The following RSF1 variants were observed in gnomAD, a reference collection of about 807,000 sequenced individuals.
RSF1 encodes the protein HBV pX-associated protein 8.
In RSF1, 13 loss-of-function variants were observed where a neutral mutation model predicts 145.2. The observed-to-expected ratio is 0.09, with a 90% CI of 0.06 to 0.14. The LOEUF (loss-of-function observed/expected upper bound fraction) is 0.14. RSF1 is among the 10% of genes least tolerant of loss of function. RSF1 has a pLI of 1.00. For missense variants in RSF1, 1,517 were observed against 1,718.2 expected, an observed-to-expected ratio of 0.88 and a Z score of 2.07; for synonymous variants, 577 against 592.6, an observed-to-expected ratio of 0.97 and a Z score of 0.38.
At chr11:77,671,153 ATATATATATATATATATATATATATT>A (rs1959530523) in intron 15 of RSF1, among the ~76,000 whole-genome samples, 2 of 67,290 alleles carry the variant, frequency 3.0e-5, no homozygotes, top group Non-Finnish European at 4.8e-5. Context: ...ATATATATAT[ATATATATATATATATATATATATATT>A]TATATGTATA....
intron 11 of RSF1, among the ~76,000 whole-genome samples, chr11:77,679,956 T>G (rs536862679): frequency 3.0e-4 from 46 of 152,364 alleles, no homozygotes; most frequent in Admixed American, 2.5e-3. Context: ...CTAGCCTGTG[T>G]GGCTATTTAT....
At chr11:77,699,149 A>G (rs915074198) in intron 6 of RSF1, among the ~76,000 whole-genome samples, 1 of 152,180 alleles carries the variant, frequency 6.6e-6, no homozygotes, top group Non-Finnish European at 1.5e-5. Context: ...CACATTTTAA[A>G]TGCTTTGTAA....
At chr11:77,869,127 T>C in the RSF1 span, 1 of 261,880 alleles carries the variant, frequency 3.8e-6, no homozygotes. Flanking sequence ...AAGGAACAAC[T>C]CCATATTTTC....
intron 1 of RSF1, among the ~76,000 whole-genome samples, chr11:77,776,564 A>G (rs1948344608): frequency 6.6e-6 from 1 of 152,196 alleles, no homozygotes; most frequent in Non-Finnish European, 1.5e-5. Flanking sequence ...AGTTATTTCA[A>G]TAAATTAGAA....
chr11:77,856,677 G>A, the RSF1 span, among the ~76,000 whole-genome samples: 3 of 152,226 alleles, frequency 2.0e-5, no homozygotes, highest in South Asian at 2.1e-4. Flanking sequence ...TACATGGCTG[G>A]AGCAAGAGGA....
chr11:77,720,973 T>C (rs1256387217), intron 5 of RSF1, among the ~76,000 whole-genome samples: 1 of 152,188 alleles, frequency 6.6e-6, no homozygotes, highest in African/African-American at 2.4e-5. Flanking sequence ...CATTTTCCAT[T>C]TTTTTGCCCA....
At chr11:77,847,989 T>TA in the RSF1 span, among the ~76,000 whole-genome samples, 1 of 152,166 alleles carries the variant, frequency 6.6e-6, no homozygotes, top group African/African-American at 2.4e-5. Flanking sequence ...TTCCTCTGCT[T>TA]TATGTTCTTT....
At chr11:77,818,563 G>A (rs1419848439) in intron 1 of RSF1, among the ~76,000 whole-genome samples, 1 of 152,026 alleles carries the variant, frequency 6.6e-6, no homozygotes, top group Non-Finnish European at 1.5e-5. Flanking sequence ...TGTGGATCAC[G>A]AGGTCAGGAG....
rs1178291722 is a variant in RSF1 at position 77,685,233 on chromosome 11, C to T, written c.2901-74G>A. Reference sequence around the variant, plus strand: ...CTGTTATGTAAACATCACGAATACACATAATGTTAAAATTACAATTTCACG... The same window carrying T: ...CTGTTATGTAAACATCACGAATACATATAATGTTAAAATTACAATTTCACG... On this transcript the variant is annotated intron_variant, in intron 9 of 15. Coordinates refer to ENST00000308488, the MANE Select transcript of RSF1 (RefSeq NM_016578.4). The T allele has an allele frequency of 6.2e-5, 49 of 788,808 alleles. 1 individual carries two copies. The highest frequency in any genetic ancestry group is 8.1e-6 in the Non-Finnish European group (4 of 495,318). 48.9% of individuals were successfully genotyped at this position (788,808 alleles called of 1,614,324 possible).
chr11:77,725,846 T>C (rs1351062040), intron 4 of RSF1, 147 bp from the exon 5 acceptor site: 5 of 504,470 alleles, frequency 9.9e-6, no homozygotes, highest in African/African-American at 2.0e-5. Flanking sequence ...TAATTAACCC[T>C]GAATTTTAAA....
intron 4 of RSF1, among the ~76,000 whole-genome samples, chr11:77,733,711 GCCA>G (rs1053845521): frequency 3.9e-5 from 6 of 152,038 alleles, no homozygotes; most frequent in African/African-American, 9.7e-5. Flanking sequence ...ACAGGCAAGT[GCCA>G]CCACACCTTG....
At chr11:77,705,223 G>A (rs554837789) in intron 5 of RSF1, among the ~76,000 whole-genome samples, 1 of 152,266 alleles carries the variant, frequency 6.6e-6, no homozygotes, top group African/African-American at 2.4e-5. Flanking sequence ...TTTTCCCAAA[G>A]TTTGTCAAAA....
intron 2 of RSF1, among the ~76,000 whole-genome samples, chr11:77,761,722 T>C (rs1948173839): frequency 6.6e-6 from 1 of 152,090 alleles, no homozygotes; most frequent in African/African-American, 2.4e-5. Flanking sequence ...AATTTCTTTA[T>C]GACTTGCCAA....
intron 5 of RSF1, among the ~76,000 whole-genome samples, chr11:77,714,703 G>A (rs550375586): frequency 2.0e-5 from 3 of 152,250 alleles, no homozygotes; most frequent in South Asian, 2.1e-4. Flanking sequence ...TTAGCTAAGC[G>A]CAGTGGCGCA....
chr11:77,671,158 T>C (rs1420732041), intron 15 of RSF1, among the ~76,000 whole-genome samples: 1 of 65,574 alleles, frequency 1.5e-5, no homozygotes, highest in Non-Finnish European at 2.5e-5. Flanking sequence ...TATATATATA[T>C]ATATATATAT....
chr11:77,668,908 T>A (rs907265727), intron 15 of RSF1, among the ~76,000 whole-genome samples: 8 of 28,282 alleles, frequency 2.8e-4, no homozygotes, highest in African/African-American at 1.2e-3. Context: ...GCCATCTATG[T>A]GCTAACGGCT....
chr11:77,683,810 A>T lies in RSF1; in HGVS notation c.2965T>A (p.Phe989Ile). 6.2e-7 allele frequency: 1 copy of T among 1,610,120 alleles called. No homozygotes were observed. Among genetic ancestry groups the T allele is most frequent in the Non-Finnish European group, 8.5e-7 (1 of 1,178,908 alleles). ...TTCTTTTCTTCTTGATCTTCAGAAAAGTCTGGCTCCTTAAAAAATATGATA... is the reference window on the plus strand; with the variant it reads ...TTCTTTTCTTCTTGATCTTCAGAAATGTCTGGCTCCTTAAAAAATATGATA... Reference protein sequence around the residue: ...ENIIPPQEPDFSEDQEEKKKD... With the variant: ...ENIIPPQEPDISEDQEEKKKD... Residue 989 changes from phenylalanine (F) to isoleucine (I), a missense_variant, in exon 11 of 16, where the codon TTT becomes ATT. Around this residue, in one of 12 missense-constraint regions of RSF1, gnomAD observed 231 missense variants for 276.6 expected, o/e 0.84. Transcript: ENST00000308488.
At chr11:77,691,967 C>T (rs547453754) in intron 8 of RSF1, among the ~76,000 whole-genome samples, 9 of 151,970 alleles carry the variant, frequency 5.9e-5, no homozygotes, top group Non-Finnish European at 8.8e-5. Flanking sequence ...CTTGGCTTAC[C>T]GCAACCTCTG....
chr11:77,759,754 G>A (rs1948152503), intron 2 of RSF1, among the ~76,000 whole-genome samples: 1 of 151,340 alleles, frequency 6.6e-6, no homozygotes, highest in Non-Finnish European at 1.5e-5. Context: ...AGACAAGCCT[G>A]TGTTCAATCC....
Sources: allele counts gnomAD v4.1 joint callset (sites outside exome capture counted in the v4.1 genomes callset), GRCh38; gene constraint gnomAD v4.1.1; regional missense constraint gnomAD v4.1.1; transcripts MANE v1.5; gene names NCBI Gene and HGNC (gene_info 2026-07-23, HGNC 2026-07-21).